ATP2B2: variants seen among roughly 807,000 people sequenced by gnomAD.
ATP2B2 encodes the protein ATPase plasma membrane Ca2+ transporting 2, also known as plasma membrane calcium-transporting ATPase 2.
In ATP2B2, 15 loss-of-function variants were observed where a neutral mutation model predicts 120.0. That is an observed-to-expected ratio of 0.12 (90% CI 0.08 to 0.19). The LOEUF (loss-of-function observed/expected upper bound fraction) is 0.19, where lower values mean the gene tolerates loss of function less well. ATP2B2 is among the 10% of genes least tolerant of loss of function. The pLI is 1.00. For missense variants in ATP2B2, 1,045 were observed against 1,719.8 expected (o/e 0.61, Z 6.94); for synonymous variants, 694 against 700.3 (o/e 0.99, Z 0.14).
intron 2 of ATP2B2, among the ~76,000 whole-genome samples, chr3:10,411,212 C>G (rs568239321): frequency 6.6e-6 from 1 of 152,262 alleles, no homozygotes; most frequent in African/African-American, 2.4e-5. Context: ...CACGCAAAAA[C>G]AGAGGCAGAG....
rs551816426 is a variant in ATP2B2, at chr3:10,657,017, T to C, written c.-459-37056A>G. Reference sequence around the variant, plus strand: ...ATGGAAAGGGGTTTGGGTTTTTTTTTCCAAATGGGAGAGGAAGCCACTGAA... The same window carrying C: ...ATGGAAAGGGGTTTGGGTTTTTTTTCCCAAATGGGAGAGGAAGCCACTGAA... On this transcript the variant is annotated intron_variant, in intron 1 of 21. Transcript: ENST00000646379. Among the ~76,000 whole-genome samples the C allele has an allele frequency of 5.0e-4, 76 of 152,266 alleles. 1 individual carries two copies. Among genetic ancestry groups the C allele is most frequent in the African/African-American group, 1.5e-3 (64 of 41,546 alleles).
At chr3:10,545,743 C>T (rs1192546497) in intron 2 of ATP2B2, among the ~76,000 whole-genome samples, 1 of 152,024 alleles carries the variant, frequency 6.6e-6, no homozygotes, top group Non-Finnish European at 1.5e-5. Flanking sequence ...TTTTTTAAAT[C>T]ATGGCAACAA....
At chr3:10,650,129 C>T (rs185363592) in intron 1 of ATP2B2, among the ~76,000 whole-genome samples, 173 of 152,270 alleles carry the variant, frequency 1.1e-3, no homozygotes, top group African/African-American at 4.0e-3. Flanking sequence ...CAGAAGAAGA[C>T]AAGAAAATGT....
chr3:10,340,733 G>A lies in ATP2B2; in HGVS notation c.2918-29C>T, dbSNP rs1245675488. 4.3e-6 allele frequency: 7 copies of A among 1,612,286 alleles called. No homozygotes were observed. The Middle Eastern group carries it at 5.0e-4, about 114-fold the overall frequency. On this transcript the variant is annotated intron_variant, in intron 19 of 22. Transcript: ENST00000360273. The surrounding 1 kb of genome is among the most constrained non-coding windows in gnomAD (Gnocchi z 5.0). ...CCAAGTGAGAGAGTGGGGCTGGGCTGAAGGCAGTGGTGGGGGAATCAGAGG... is the reference window on the plus strand; with the variant it reads ...CCAAGTGAGAGAGTGGGGCTGGGCTAAAGGCAGTGGTGGGGGAATCAGAGG...
chr3:10,373,864 C>G (rs2061310959), intron 11 of ATP2B2, among the ~76,000 whole-genome samples: 1 of 152,228 alleles, frequency 6.6e-6, no homozygotes, highest in African/African-American at 2.4e-5. Context: ...CATGAGTCAC[C>G]ACGTCTGGCT....
At chr3:10,451,947 T>C (rs1269076490) in intron 1 of ATP2B2, among the ~76,000 whole-genome samples, 1 of 152,254 alleles carries the variant, frequency 6.6e-6, no homozygotes, top group Non-Finnish European at 1.5e-5. Context: ...GTATCATCCA[T>C]CCAAGGTAAA....
At chr3:10,500,824 G>A (rs1236453155) in intron 1 of ATP2B2, among the ~76,000 whole-genome samples, 2 of 152,158 alleles carry the variant, frequency 1.3e-5, no homozygotes, top group African/African-American at 2.4e-5. Context: ...CAAACACAAC[G>A]GGCTGTCCCT....
At chr3:10,384,467 T>C (rs1837180) in intron 8 of ATP2B2, among the ~76,000 whole-genome samples, 67,648 of 152,022 alleles carry the variant, frequency 0.44, 16,279 homozygotes, top group East Asian at 0.97. Context: ...AACAAAAGCC[T>C]TGTCTGTTGC....
At chr3:10,466,446 T>C (rs1009825) in intron 1 of ATP2B2, among the ~76,000 whole-genome samples, 39,147 of 152,086 alleles carry the variant, frequency 0.26, 6,361 homozygotes, top group Non-Finnish European at 0.36. Context: ...AGACTCTGTC[T>C]AGACTATGTG....
chr3:10,551,858 C>T (rs1575488308), intron 2 of ATP2B2, among the ~76,000 whole-genome samples: 1 of 152,220 alleles, frequency 6.6e-6, no homozygotes, highest in East Asian at 1.9e-4. Context: ...CTAGCTTCTT[C>T]CTGGGCTGTG....
At chr3:10,332,795 C>T (rs887189417) in intron 22 of ATP2B2, among the ~76,000 whole-genome samples, 10 of 152,066 alleles carry the variant, frequency 6.6e-5, no homozygotes, top group African/African-American at 1.2e-4. Flanking sequence ...TCTTTCTCTG[C>T]GAAATGGATG....
intron 3 of ATP2B2, among the ~76,000 whole-genome samples, chr3:10,513,962 AT>A (rs1575445405): frequency 6.6e-6 from 1 of 152,104 alleles, no homozygotes; most frequent in East Asian, 1.9e-4. Context: ...ACGCCCGCAA[AT>A]GATAAATGGC....
rs535537995 is a variant in ATP2B2, at chr3:10,473,937, T to C, written c.-319-24075A>G. Among the ~76,000 whole-genome samples, 4 of 152,370 alleles carry C rather than the reference T, an allele frequency of 2.6e-5. No individual in the cohort carries two copies. The East Asian group carries it at 7.7e-4, about 29-fold the overall frequency. On this transcript the variant is annotated intron_variant, in intron 1 of 22. Coordinates refer to ENST00000360273, the MANE Select transcript of ATP2B2 (RefSeq NM_001001331.4). ...TATTCCAGGTAGTGAGAGATGCCTC[T>C]AAAGAATTTTAGGTGATAGATTAAC...
chr3:10,618,411 G>A (rs2069455108), intron 2 of ATP2B2, among the ~76,000 whole-genome samples: 2 of 152,226 alleles, frequency 1.3e-5, no homozygotes, highest in South Asian at 4.1e-4. Flanking sequence ...GCATGAACAA[G>A]GAGACAAGGC....
intron 1 of ATP2B2, among the ~76,000 whole-genome samples, chr3:10,653,247 A>C (rs6809679): frequency 0.35 from 53,024 of 152,138 alleles, 13,668 homozygotes; most frequent in African/African-American, 0.72. Flanking sequence ...CCAGCCACCA[A>C]TGACCCCCCT....
chr3:10,376,156 T>G (rs1246397765), intron 10 of ATP2B2, among the ~76,000 whole-genome samples: 1 of 151,954 alleles, frequency 6.6e-6, no homozygotes, highest in Non-Finnish European at 1.5e-5. Context: ...AAGACAAGAG[T>G]TCCTGCCCTT....
chr3:10,416,888 G>A (rs1189129857), intron 2 of ATP2B2, among the ~76,000 whole-genome samples: 5 of 151,776 alleles, frequency 3.3e-5, no homozygotes, highest in Non-Finnish European at 5.9e-5. Flanking sequence ...AGGCAGAGGC[G>A]CTCCTCACTT....
At chr3:10,614,957 G>A (rs908885252) in intron 2 of ATP2B2, among the ~76,000 whole-genome samples, 1 of 152,216 alleles carries the variant, frequency 6.6e-6, no homozygotes, top group Admixed American at 6.5e-5. Flanking sequence ...TCATGGGGCT[G>A]TTTTCTCAAT....
intron 1 of ATP2B2, among the ~76,000 whole-genome samples, chr3:10,453,564 G>C (rs910470965): frequency 1.3e-5 from 2 of 152,200 alleles, no homozygotes; most frequent in African/African-American, 4.8e-5. Context: ...TCCCTCATGA[G>C]GTTCTTATGA....
Sources: gnomAD v4.1 joint callset for allele counts (sites outside exome capture counted in the v4.1 genomes callset) on GRCh38, gnomAD v4.1.1 for gene constraint, Gnocchi (gnomAD v3.1) non-coding constraint, MANE v1.5 for transcripts, NCBI Gene and HGNC (gene_info 2026-07-23, HGNC 2026-07-21) for gene names.